Variants in CCSER1 observed in about 807,000 individuals in gnomAD.
CCSER1 encodes the protein serine-rich coiled-coil domain-containing protein 1.
CCSER1 carries 41 observed loss-of-function variants against 82.0 expected under a neutral mutation model. The ratio of observed to expected loss-of-function variants is 0.50; its 90% CI spans 0.39 to 0.65. The LOEUF (loss-of-function observed/expected upper bound fraction) is 0.65, where lower values mean the gene tolerates loss of function less well. Among genes scored for constraint, CCSER1 ranks in the 30% least tolerant of loss-of-function variants. CCSER1 has a pLI of 0.00. For missense variants in CCSER1, 1,119 were observed against 1,064.2 expected, an observed-to-expected ratio of 1.05 and a Z score of -0.72; for synonymous variants, 414 against 383.9, an observed-to-expected ratio of 1.08 and a Z score of -0.92.
At chr4:91,244,105 T>G (rs1281523955) in intron 10 of CCSER1, among the ~76,000 whole-genome samples, 1 of 152,154 alleles carries the variant, frequency 6.6e-6, no homozygotes, top group Non-Finnish European at 1.5e-5. Flanking sequence ...GAGTTTTAAA[T>G]GAACATTTGT....
chr4:90,715,675 G>A (rs556584805), intron 6 of CCSER1, among the ~76,000 whole-genome samples: 60 of 152,076 alleles, frequency 3.9e-4, no homozygotes, highest in Non-Finnish European at 7.1e-4. Flanking sequence ...TTTACCTTCG[G>A]ATCTGTACTA....
chr4:91,188,569 T>A (rs1734755759), intron 10 of CCSER1, among the ~76,000 whole-genome samples: 1 of 152,200 alleles, frequency 6.6e-6, no homozygotes, highest in South Asian at 2.1e-4. Context: ...TTTTCATAAT[T>A]AGTGATAAAT....
intron 10 of CCSER1, among the ~76,000 whole-genome samples, chr4:91,421,377 G>C (rs1404730586): frequency 1.3e-5 from 2 of 152,180 alleles, no homozygotes; most frequent in African/African-American, 4.8e-5. Flanking sequence ...CTGAAGGCCT[G>C]AGAACCTTGT....
intron 10 of CCSER1, among the ~76,000 whole-genome samples, chr4:91,285,078 G>T (rs1743182136): frequency 6.6e-6 from 1 of 151,966 alleles, no homozygotes; most frequent in Non-Finnish European, 1.5e-5. Context: ...TCCACCTAAA[G>T]TTAAATAATC....
intron 5 of CCSER1, among the ~76,000 whole-genome samples, chr4:90,607,495 A>G (rs1014042210): frequency 1.3e-5 from 2 of 152,052 alleles, no homozygotes; most frequent in African/African-American, 4.8e-5. Context: ...CCTCTCCCCT[A>G]GTTCTTGTGG....
At chr4:91,177,850 C>T (rs116551119) in intron 10 of CCSER1, among the ~76,000 whole-genome samples, 1 of 152,092 alleles carries the variant, frequency 6.6e-6, no homozygotes, top group African/African-American at 2.4e-5. Flanking sequence ...TTGCCTTCTC[C>T]TAGCTTTTGA....
rs182545249 is a variant in CCSER1, at chr4:91,066,347, A to G, written c.2173-19603A>G. ...ACTGTTGCCAAATGGTCGCACAGTT[A>G]GCGACAGAGGAGAAATGAAGCACAG... On this transcript the variant is annotated intron_variant, in intron 9 of 10. Transcript: ENST00000509176. 6.5e-4 allele frequency among the ~76,000 whole-genome samples: 99 copies of G among 152,336 alleles called. No individual in the cohort carries two copies. The Middle Eastern group carries it at 0.014, about 21-fold the overall frequency.
chr4:90,822,595 G>A (rs1759888715), intron 8 of CCSER1, among the ~76,000 whole-genome samples: 1 of 151,934 alleles, frequency 6.6e-6, no homozygotes, highest in Non-Finnish European at 1.5e-5. Flanking sequence ...GGGCGTGGTG[G>A]CGGGCACCTG....
At chr4:91,013,522 C>T (rs1739167051) in intron 9 of CCSER1, among the ~76,000 whole-genome samples, 1 of 127,506 alleles carries the variant, frequency 7.8e-6, no homozygotes, top group African/African-American at 2.6e-5. Context: ...CTTTTTTGTT[C>T]TTTCTCAAGA....
At chr4:90,954,258 C>T (rs1335774200) in intron 9 of CCSER1, among the ~76,000 whole-genome samples, 3 of 151,946 alleles carry the variant, frequency 2.0e-5, no homozygotes, top group Non-Finnish European at 2.9e-5. Context: ...TTGCATACCT[C>T]AAAGTAAAAA....
chr4:90,385,948 C>T (rs1749974089), intron 3 of CCSER1, among the ~76,000 whole-genome samples: 1 of 151,738 alleles, frequency 6.6e-6, no homozygotes, highest in South Asian at 2.1e-4. Flanking sequence ...TATGTTTAAC[C>T]AAAGAGGTGA....
intron 10 of CCSER1, among the ~76,000 whole-genome samples, chr4:91,557,139 T>A (rs1471939817): frequency 1.3e-5 from 2 of 151,360 alleles, no homozygotes; most frequent in African/African-American, 4.8e-5. Flanking sequence ...ATGTATGGAG[T>A]GTACAACTCT....
At chr4:90,504,550 C>G (rs1214894287) in intron 5 of CCSER1, among the ~76,000 whole-genome samples, 1 of 152,142 alleles carries the variant, frequency 6.6e-6, no homozygotes, top group Non-Finnish European at 1.5e-5. Context: ...TAAAAGACTG[C>G]CTAGTGACTA....
rs1253605482 is a variant in CCSER1 at position 90,808,688 on chromosome 4, G to T, written c.2011-7074G>T. 2.0e-5 allele frequency among the ~76,000 whole-genome samples: 3 copies of T among 152,092 alleles called. No homozygotes were observed. In the East Asian group the frequency reaches 5.8e-4, roughly 29 times the overall value. ...GAAATGTCCATTAAAACCACAATGA[G>T]ATGTCACTTTATCCAGAATAACCAT... On this transcript the variant is annotated intron_variant, in intron 7 of 10. Transcript: ENST00000509176.
chr4:90,845,138 A>AG (rs1763050365), intron 8 of CCSER1, among the ~76,000 whole-genome samples: 1 of 152,128 alleles, frequency 6.6e-6, no homozygotes, highest in South Asian at 2.1e-4. Flanking sequence ...CGAGGCAGGC[A>AG]GATCATGAGG....
chr4:90,571,966 C>A (rs1367949285), intron 5 of CCSER1, among the ~76,000 whole-genome samples: 2 of 152,072 alleles, frequency 1.3e-5, no homozygotes, highest in East Asian at 3.9e-4. Flanking sequence ...CTTACTTGTA[C>A]CAGTATTTTA....
At chr4:90,829,675 A>G (rs897289080) in intron 8 of CCSER1, among the ~76,000 whole-genome samples, 2 of 152,162 alleles carry the variant, frequency 1.3e-5, no homozygotes, top group African/African-American at 4.8e-5. Flanking sequence ...AGAACATGAA[A>G]GAAAGGAAAA....
chr4:91,002,647 G>T (rs974835847), intron 9 of CCSER1, among the ~76,000 whole-genome samples: 1 of 151,304 alleles, frequency 6.6e-6, no homozygotes, highest in Non-Finnish European at 1.5e-5. Flanking sequence ...TTTTCCCTTC[G>T]CTTCTTGTAT....
In CCSER1 at chr4:90,711,721, A is replaced by ATT. The variant is rs112790209; in HGVS notation, c.1933-12181_1933-12180dup. On this transcript the variant is annotated intron_variant, in intron 6 of 10. Transcript: ENST00000509176. ...GATAAACGTTTTGATGTCCTGCTGG[A>ATT]TTTTTTTTTTTTTGTCAGTATTTTA... Among the ~76,000 whole-genome samples the ATT allele has an allele frequency of 4.3e-3, 617 of 141,986 alleles. 7 individuals are homozygous for ATT. Among genetic ancestry groups the ATT allele is most frequent in the African/African-American group, 0.014 (564 of 39,044 alleles). 93.1% of individuals were successfully genotyped at this position (141,986 alleles called of 152,430 possible). A position where few individuals can be genotyped will look rare whatever the true frequency, so the allele number is the denominator to read the frequency against.
Sources: gnomAD v4.1 joint callset for allele counts (sites outside exome capture counted in the v4.1 genomes callset) on GRCh38, gnomAD v4.1.1 for gene constraint, MANE v1.5 for transcripts, NCBI Gene and HGNC (gene_info 2026-07-23, HGNC 2026-07-21) for gene names.